The following SDK1 variants were observed in gnomAD, a reference collection of about 807,000 sequenced individuals.
SDK1 encodes protein sidekick-1.
Under a neutral mutation model 245.5 loss-of-function variants are expected in SDK1, and 157 were observed. The observed-to-expected ratio is 0.64, with a 90% CI of 0.56 to 0.73. The LOEUF (loss-of-function observed/expected upper bound fraction) is 0.73. SDK1 is among the 30% of genes least tolerant of loss of function. The pLI is 0.00. For synonymous variants in SDK1, 1,647 were observed against 1,278.5 expected (o/e 1.29, Z -6.15); for missense variants, 3,583 against 3,002.3 (o/e 1.19, Z -4.52).
At chr7:3,605,651 A>C (rs1476369460) in intron 1 of SDK1, among the ~76,000 whole-genome samples, 1 of 152,100 alleles carries the variant, frequency 6.6e-6, no homozygotes, top group Non-Finnish European at 1.5e-5. Flanking sequence ...AGTAATTTTC[A>C]CTATGTCTGA....
chr7:3,902,620 C>T (rs1781828280), intron 5 of SDK1, among the ~76,000 whole-genome samples: 1 of 151,976 alleles, frequency 6.6e-6, no homozygotes. Flanking sequence ...TTTCCTGTGT[C>T]TTAATTGAAT....
chr7:3,606,745 C>T (rs1250130796), intron 1 of SDK1, among the ~76,000 whole-genome samples: 1 of 152,086 alleles, frequency 6.6e-6, no homozygotes, highest in African/African-American at 2.4e-5. Flanking sequence ...CACTTCTTCC[C>T]CAGATTTCTT....
chr7:4,213,593 A>G (rs1784621610), intron 38 of SDK1, among the ~76,000 whole-genome samples: 1 of 151,944 alleles, frequency 6.6e-6, no homozygotes, highest in Non-Finnish European at 1.5e-5. Flanking sequence ...CAAAAAAAAA[A>G]AAACCAGTAC....
chr7:4,217,573 G>C (rs1484925315), intron 38 of SDK1, among the ~76,000 whole-genome samples: 1 of 144,766 alleles, frequency 6.9e-6, no homozygotes, highest in African/African-American at 2.6e-5. Flanking sequence ...ACACCACCCG[G>C]AGCACCACGC....
intron 17 of SDK1, among the ~76,000 whole-genome samples, chr7:4,036,767 G>A (rs1275117284): frequency 6.6e-6 from 1 of 152,060 alleles, no homozygotes; most frequent in Non-Finnish European, 1.5e-5. Flanking sequence ...CAGTTAGAAG[G>A]CACCATCTCT....
chr7:4,074,632 G>A (rs1415176071), intron 20 of SDK1, among the ~76,000 whole-genome samples: 1 of 151,910 alleles, frequency 6.6e-6, no homozygotes, highest in African/African-American at 2.4e-5. Flanking sequence ...AGGCCACGGT[G>A]GGAGGATCGC....
At chr7:3,492,933 G>A (rs1773664093) in intron 1 of SDK1, among the ~76,000 whole-genome samples, 1 of 152,030 alleles carries the variant, frequency 6.6e-6, no homozygotes, top group East Asian at 1.9e-4. Context: ...TATTCAAAGA[G>A]AAGATTTATT....
At chr7:3,658,795 T>A (rs1321520337) in intron 4 of SDK1, among the ~76,000 whole-genome samples, 1 of 152,082 alleles carries the variant, frequency 6.6e-6, no homozygotes, top group Non-Finnish European at 1.5e-5. Flanking sequence ...TTTTTGTATT[T>A]TTAGTAGATA....
At chr7:4,191,849 A>C (rs1297175671) in intron 35 of SDK1, among the ~76,000 whole-genome samples, 2 of 152,040 alleles carry the variant, frequency 1.3e-5, no homozygotes, top group African/African-American at 4.8e-5. Context: ...CGGGCAGACC[A>C]CCCCTCCCAG....
Position 3,407,662 on chromosome 7 carries a change from C to G in SDK1, c.298+105778C>G, listed in dbSNP as rs140242599. On this transcript the variant is annotated intron_variant, in intron 1 of 44. Coordinates refer to ENST00000404826, the MANE Select transcript of SDK1 (RefSeq NM_152744.4). ...CCTACATTATAAAATATTATAAACTCCCAAGCTGGATACTATAAATTGAAG... is the reference window on the plus strand; with the variant it reads ...CCTACATTATAAAATATTATAAACTGCCAAGCTGGATACTATAAATTGAAG... Among the ~76,000 whole-genome samples, 516 of 152,242 alleles carry G rather than the reference C, an allele frequency of 3.4e-3. 2 individuals carry two copies. Among genetic ancestry groups the G allele is most frequent in the Non-Finnish European group, 6.1e-3 (417 of 68,016 alleles).
chr7:4,161,623 G>A (rs1781127891), intron 31 of SDK1, among the ~76,000 whole-genome samples, 163 bp from the exon 32 acceptor site: 1 of 152,152 alleles, frequency 6.6e-6, no homozygotes, highest in African/African-American at 2.4e-5. Flanking sequence ...CTTTGAAGGA[G>A]AAGCTCTGGG....
chr7:4,123,898 C>T (rs1398545750), intron 25 of SDK1, among the ~76,000 whole-genome samples: 1 of 152,216 alleles, frequency 6.6e-6, no homozygotes, highest in African/African-American at 2.4e-5. Flanking sequence ...CCTCCCAGGG[C>T]TCTCAGGATC....
chr7:3,574,524 A>G (rs1484920471), intron 1 of SDK1, among the ~76,000 whole-genome samples: 1 of 152,040 alleles, frequency 6.6e-6, no homozygotes, highest in Non-Finnish European at 1.5e-5. Flanking sequence ...CTTGTTGCTG[A>G]AGTATATGAA....
chr7:3,450,954 G>A (rs887205660), intron 1 of SDK1, among the ~76,000 whole-genome samples: 4 of 152,146 alleles, frequency 2.6e-5, no homozygotes, highest in African/African-American at 4.8e-5. Flanking sequence ...TTTCATAAAG[G>A]AAACGATAGT....
At chr7:3,572,551 G>T in intron 1 of SDK1, among the ~76,000 whole-genome samples, 1 of 152,178 alleles carries the variant, frequency 6.6e-6, no homozygotes, top group East Asian at 1.9e-4. Context: ...CCCAACATAA[G>T]AGTGCCTAGC....
At position 4,183,446 on chromosome 7, in the gene SDK1, C is replaced by T. The variant is rs550014384; in HGVS notation, c.5098+4860C>T. ...GTCAGGAGTTCAAGACCAGCCTGGC[C>T]AACATGGTGAAACCCCATCTCTACT... is the stretch of plus-strand genomic sequence containing the variant. On this transcript the variant is annotated intron_variant, in intron 35 of 44. Coordinates refer to ENST00000404826, the MANE Select transcript of SDK1 (RefSeq NM_152744.4). Among the ~76,000 whole-genome samples, 4 of 151,910 alleles carry T rather than the reference C, an allele frequency of 2.6e-5. No homozygotes were observed. In the East Asian group the frequency reaches 7.8e-4, roughly 30 times the overall value.
chr7:4,266,897 C>A lies in SDK1; in HGVS notation c.*1513C>A. 1 of 985,524 alleles carries A rather than the reference C, an allele frequency of 1.0e-6. No homozygotes were observed. The highest frequency in any genetic ancestry group is 1.2e-6 in the Non-Finnish European group (1 of 829,996). The allele number at this position is 985,524 out of a possible 1,614,324, so 61.0% of individuals were successfully genotyped here. Reference sequence around the variant, plus strand: ...CAGTGCACGGCAAACGGGCAGGTGCCGTTCCCCCAGTGACCTGAGGGTAGG... The same window carrying A: ...CAGTGCACGGCAAACGGGCAGGTGCAGTTCCCCCAGTGACCTGAGGGTAGG... On this transcript the variant is annotated 3_prime_UTR_variant, in exon 45 of 45. Coordinates refer to ENST00000404826, the MANE Select transcript of SDK1 (RefSeq NM_152744.4).
At chr7:3,832,820 T>C (rs999173026) in intron 5 of SDK1, among the ~76,000 whole-genome samples, 8 of 152,096 alleles carry the variant, frequency 5.3e-5, no homozygotes, top group Non-Finnish European at 5.9e-5. Context: ...TCTTGAAGAA[T>C]ACCCTGTTTA....
intron 1 of SDK1, among the ~76,000 whole-genome samples, chr7:3,529,523 TTAAA>T (rs1418477152): frequency 2.6e-5 from 4 of 152,108 alleles, no homozygotes; most frequent in Non-Finnish European, 5.9e-5. Context: ...TGGATATACA[TTAAA>T]TAAATGGGAG....
Sources: allele counts gnomAD v4.1 joint callset (sites outside exome capture counted in the v4.1 genomes callset), GRCh38; gene constraint gnomAD v4.1.1; transcripts MANE v1.5; gene names NCBI Gene and HGNC (gene_info 2026-07-23, HGNC 2026-07-21).